The following KAZN variants were observed in gnomAD, a reference collection of about 807,000 sequenced individuals.
The protein encoded by KAZN is kazrin, periplakin interacting protein.
A neutral mutation model predicts 87.4 loss-of-function variants in KAZN; 40 were observed. The ratio of observed to expected loss-of-function variants is 0.46; its 90% confidence interval spans 0.36 to 0.60. The LOEUF (loss-of-function observed/expected upper bound fraction) is 0.60. Among genes scored for constraint, KAZN ranks in the 20% least tolerant of loss-of-function variants. The pLI, the probability that KAZN is intolerant of heterozygous loss-of-function variation, is 0.00. For missense variants in KAZN, 898 were observed against 1,073.9 expected (o/e 0.84, Z 2.29); for synonymous variants, 466 against 458.3 (o/e 1.02, Z -0.22).
At position 15,103,477 on chromosome 1, in the gene KAZN, A is replaced by G. The variant is rs566269723; in HGVS notation, c.1881+17A>G. On this transcript the variant is annotated intron_variant, in intron 12 of 14. Coordinates refer to ENST00000376030, the MANE Select transcript of KAZN (RefSeq NM_201628.3). ...GACCTGAAGGTGAGGGTGATAGCGG[A>G]GGTCGGGGTGACTCTCGGGCATACA... 35 of 1,529,854 alleles carry G rather than the reference A, an allele frequency of 2.3e-5. No individual in the cohort carries two copies. In the South Asian group the frequency reaches 4.1e-4, roughly 18 times the overall value. The allele number at this position is 1,529,854 out of a possible 1,614,324, so 94.8% of individuals were successfully genotyped here.
intron 1 of KAZN, among the ~76,000 whole-genome samples, chr1:14,656,129 G>C (rs923729476): frequency 6.6e-6 from 1 of 152,070 alleles, no homozygotes. Flanking sequence ...GAATCTCTGG[G>C]ATGACCACTC....
chr1:13,953,138 A>T (rs1303470257), intron 1 of KAZN, among the ~76,000 whole-genome samples: 3 of 151,974 alleles, frequency 2.0e-5, no homozygotes, highest in Non-Finnish European at 4.4e-5. Context: ...GCCTGGGAGG[A>T]TCAGAGCTTC....
intron 2 of KAZN, among the ~76,000 whole-genome samples, chr1:14,462,167 A>G (rs1667892852): frequency 6.6e-6 from 1 of 151,472 alleles, no homozygotes; most frequent in Non-Finnish European, 1.5e-5. Context: ...CAAAATGCTA[A>G]ATGGCTGTGC....
At chr1:14,968,479 T>C (rs894414047) in intron 2 of KAZN, among the ~76,000 whole-genome samples, 17 of 152,226 alleles carry the variant, frequency 1.1e-4, no homozygotes, top group Non-Finnish European at 7.3e-5. Context: ...AGCCACTGCA[T>C]TGTGTCACTT....
chr1:15,073,833 T>C (rs1639622002), intron 8 of KAZN, among the ~76,000 whole-genome samples: 1 of 152,166 alleles, frequency 6.6e-6, no homozygotes, highest in South Asian at 2.1e-4. Flanking sequence ...TGATATCCCA[T>C]GGACACCAGA....
intron 1 of KAZN, among the ~76,000 whole-genome samples, chr1:14,790,302 A>G (rs537269937): frequency 6.6e-6 from 1 of 152,130 alleles, no homozygotes; most frequent in South Asian, 2.1e-4. Flanking sequence ...GTGAGCCACC[A>G]TGCCTGGCAG....
rs56725513 is a variant in KAZN, at chr1:14,986,002, CAA to C, written c.418+25148_418+25149del. The stretch of plus-strand genomic sequence containing the variant: ...TGGGCGACAGAGCCAGACTCTGTCT[CAA>C]AAAAAAAAAAAAAAAAAAAAGGAAA... On this transcript the variant is annotated intron_variant, in intron 2 of 14. Transcript: ENST00000376030. Among the ~76,000 whole-genome samples the C allele has an allele frequency of 8.3e-3, 469 of 56,714 alleles. 4 individuals are homozygous for C. The highest frequency in any genetic ancestry group is 0.066 in the Admixed American group (320 of 4,816). 37.2% of individuals were successfully genotyped at this position (56,714 alleles called of 152,430 possible).
chr1:14,733,567 T>C (rs1453656206), intron 1 of KAZN, among the ~76,000 whole-genome samples: 1 of 151,948 alleles, frequency 6.6e-6, no homozygotes, highest in Non-Finnish European at 1.5e-5. Flanking sequence ...GGATGACCTC[T>C]CTTTCGGGGA....
chr1:14,238,694 G>A (rs1042082328), intron 2 of KAZN, among the ~76,000 whole-genome samples: 15 of 152,230 alleles, frequency 9.9e-5, no homozygotes, highest in African/African-American at 3.6e-4. Context: ...GAGGGTACTT[G>A]GCCAAGCCCA....
chr1:14,864,107 A>G (rs1651177313), intron 1 of KAZN, among the ~76,000 whole-genome samples: 1 of 152,204 alleles, frequency 6.6e-6, no homozygotes, highest in Non-Finnish European at 1.5e-5. Flanking sequence ...CAGGAAGCCT[A>G]GCAGATGGAG....
intron 1 of KAZN, among the ~76,000 whole-genome samples, chr1:14,815,353 G>C (rs1190900378): frequency 6.6e-6 from 1 of 152,176 alleles, no homozygotes; most frequent in Non-Finnish European, 1.5e-5. Flanking sequence ...ACCCCCCTAA[G>C]AGTGCTGAGA....
chr1:14,801,719 T>C (rs181889697), intron 1 of KAZN, among the ~76,000 whole-genome samples: 179 of 152,050 alleles, frequency 1.2e-3, no homozygotes, highest in African/African-American at 4.2e-3. Flanking sequence ...AGTCTCGCTT[T>C]GTTGCCCAGG....
chr1:14,844,346 G>A (rs1648410472), intron 1 of KAZN, among the ~76,000 whole-genome samples: 1 of 152,232 alleles, frequency 6.6e-6, no homozygotes, highest in South Asian at 2.1e-4. Flanking sequence ...AAAGGTTGAT[G>A]TGGAGGTAAA....
At chr1:15,016,177 G>A (rs1670077757) in intron 2 of KAZN, among the ~76,000 whole-genome samples, 1 of 152,182 alleles carries the variant, frequency 6.6e-6, no homozygotes, top group African/African-American at 2.4e-5. Context: ...TCTACAGGCC[G>A]ACGGACGCCA....
intron 1 of KAZN, among the ~76,000 whole-genome samples, chr1:14,780,945 A>G (rs1645315372): frequency 6.6e-6 from 1 of 152,258 alleles, no homozygotes; most frequent in Non-Finnish European, 1.5e-5. Flanking sequence ...TCCCTTCTGC[A>G]CTTGCAGCTG....
chr1:14,422,527 A>T (rs1665491947), intron 2 of KAZN, among the ~76,000 whole-genome samples: 2 of 152,208 alleles, frequency 1.3e-5, no homozygotes, highest in African/African-American at 2.4e-5. Context: ...TATTTCTCTT[A>T]CTACCTCTTC....
intron 1 of KAZN, among the ~76,000 whole-genome samples, chr1:14,021,532 C>T (rs1640824563): frequency 6.6e-6 from 1 of 152,022 alleles, no homozygotes; most frequent in African/African-American, 2.4e-5. Flanking sequence ...AACACAGATG[C>T]CAGGGTTGTG....
intron 2 of KAZN, among the ~76,000 whole-genome samples, chr1:14,275,795 G>A (rs1652298424): frequency 6.6e-6 from 1 of 152,196 alleles, no homozygotes; most frequent in Admixed American, 6.5e-5. Flanking sequence ...GCAAGAGAGT[G>A]TCTCTAGAAA....
At chr1:13,911,753 C>G (rs149573756) in intron 1 of KAZN, among the ~76,000 whole-genome samples, 1 of 152,186 alleles carries the variant, frequency 6.6e-6, no homozygotes, top group Non-Finnish European at 1.5e-5. Flanking sequence ...GTATTAAATC[C>G]TTAGTCCTTA....
Sources: gnomAD v4.1 joint callset for allele counts (sites outside exome capture counted in the v4.1 genomes callset) on GRCh38, gnomAD v4.1.1 for gene constraint, MANE v1.5 for transcripts, NCBI Gene and HGNC (gene_info 2026-07-23, HGNC 2026-07-21) for gene names.